ABLIM3: variants seen among roughly 807,000 people sequenced by gnomAD.
ABLIM3 encodes actin binding LIM protein family member 3.
A neutral mutation model predicts 109.5 loss-of-function variants in ABLIM3; 61 were observed. The observed-to-expected ratio is 0.56, with a 90% CI of 0.45 to 0.69. The LOEUF is 0.69. Ranked by LOEUF, ABLIM3 falls within the 30% of genes least tolerant of loss-of-function variation. ABLIM3 has a pLI of 0.00. For missense variants in ABLIM3, 796 were observed against 889.5 expected (o/e 0.89, Z 1.34); for synonymous variants, 300 against 324.8 (o/e 0.92, Z 0.82).
intron 8 of ABLIM3, 195 bp downstream of exon 8, chr5:149,217,241 C>T: frequency 3.3e-6 from 2 of 611,444 alleles, no homozygotes; most frequent in Non-Finnish European, 5.9e-6. Flanking sequence ...TATGAAGTGA[C>T]ATGTAATCTG....
intron 3 of ABLIM3, among the ~76,000 whole-genome samples, chr5:149,185,008 T>TTTTTACACCC: frequency 6.6e-6 from 1 of 152,320 alleles, no homozygotes; most frequent in Admixed American, 6.5e-5. Context: ...TGAGTGATTA[T>TTTTTACACCC]TTTTACACCC....
chr5:149,141,892 A>G (rs949388442), intron 1 of ABLIM3, 117 bp from the exon 2 acceptor site: 51 of 705,082 alleles, frequency 7.2e-5, no homozygotes, highest in Admixed American at 1.2e-4. Context: ...ACCTGCGCCT[A>G]TTAGTCCACG....
At chr5:149,151,644 C>CTCTTA (rs1444397364) in intron 2 of ABLIM3, among the ~76,000 whole-genome samples, 1 of 152,190 alleles carries the variant, frequency 6.6e-6, no homozygotes, top group East Asian at 1.9e-4. Context: ...AAGGGAAGTG[C>CTCTTA]TCTTACATAG....
intron 8 of ABLIM3, among the ~76,000 whole-genome samples, chr5:149,226,537 A>G (rs149904603): frequency 1.3e-5 from 2 of 152,248 alleles, no homozygotes; most frequent in Admixed American, 6.5e-5. Context: ...TGCCCTAGCT[A>G]GGGTCAAGGC....
At chr5:149,251,917 ATCTCAGAT>A (rs1753964673) in intron 21 of ABLIM3, among the ~76,000 whole-genome samples, 1 of 152,198 alleles carries the variant, frequency 6.6e-6, no homozygotes, top group South Asian at 2.1e-4. Context: ...TGCGTTTCAG[ATCTCAGAT>A]TCTTCTAATT....
At chr5:149,254,021 C>T (rs1267969538) in intron 23 of ABLIM3, among the ~76,000 whole-genome samples, 2 of 152,078 alleles carry the variant, frequency 1.3e-5, no homozygotes, top group East Asian at 3.9e-4. Flanking sequence ...CAGGGGAACG[C>T]CCTTTATAAA....
chr5:149,186,527 A>G (rs1756977018), intron 3 of ABLIM3, among the ~76,000 whole-genome samples: 1 of 152,214 alleles, frequency 6.6e-6, no homozygotes, highest in South Asian at 2.1e-4. Flanking sequence ...AAAAATTTAT[A>G]ACAATATATA....
intron 3 of ABLIM3, among the ~76,000 whole-genome samples, chr5:149,184,872 A>G (rs1197650070): frequency 3.9e-5 from 6 of 152,200 alleles, no homozygotes; most frequent in Admixed American, 3.9e-4. Context: ...AACAAATTAC[A>G]TATACATATT....
At chr5:149,193,977 A>G (rs1757730747) in intron 3 of ABLIM3, among the ~76,000 whole-genome samples, 1 of 152,212 alleles carries the variant, frequency 6.6e-6, no homozygotes, top group African/African-American at 2.4e-5. Context: ...TAAAATTTTT[A>G]GAAGACAATA....
rs1012388783 is a variant in ABLIM3, at chr5:149,252,704, G to C, written c.1858-53G>C. On this transcript the variant is annotated intron_variant, in intron 22 of 23. Transcript: ENST00000309868. The stretch of plus-strand genomic sequence containing the variant: ...CCCAGACACAAAATGTACCTGAAAG[G>C]AACAAGCCCACCACCCTCACCCAAG... 3.6e-6 allele frequency: 5 copies of C among 1,388,110 alleles called. No homozygotes were observed. In the South Asian group the frequency reaches 5.8e-5, roughly 16 times the overall value. 86.0% of individuals were successfully genotyped at this position (1,388,110 alleles called of 1,614,324 possible). A position where few individuals can be genotyped will look rare whatever the true frequency, so the allele number is the denominator to read the frequency against.
chr5:149,151,320 T>G (rs2127434083), intron 2 of ABLIM3, among the ~76,000 whole-genome samples: 1 of 152,354 alleles, frequency 6.6e-6, no homozygotes, highest in Middle Eastern at 3.4e-3. Context: ...CATTTTAACT[T>G]GTTTATCCCT....
rs1222697992 is a variant in ABLIM3 at position 149,158,627 on chromosome 5, A to G, written c.13+16519A>G. On this transcript the variant is annotated intron_variant, in intron 2 of 23. Coordinates refer to ENST00000309868, the MANE Select transcript of ABLIM3 (RefSeq NM_014945.5). ...ACAAGTCTAGTCAACCATCACTAGTACTGTTACAAGATCAATACCAATACA... is the reference window on the plus strand; with the variant it reads ...ACAAGTCTAGTCAACCATCACTAGTGCTGTTACAAGATCAATACCAATACA... Among the ~76,000 whole-genome samples the G allele has an allele frequency of 5.3e-5, 8 of 152,194 alleles. No individual in the cohort carries two copies. In the East Asian group the frequency reaches 1.5e-3, roughly 29 times the overall value.
intron 2 of ABLIM3, chr5:149,174,736 A>G (rs1298884291): frequency 6.6e-6 from 1 of 152,156 alleles, no homozygotes; most frequent in Non-Finnish European, 1.5e-5. Flanking sequence ...GAAAGAGAGG[A>G]GATGAGAAGA....
intron 2 of ABLIM3, among the ~76,000 whole-genome samples, chr5:149,161,169 C>T (rs754937571): frequency 3.9e-5 from 6 of 152,184 alleles, no homozygotes; most frequent in Non-Finnish European, 8.8e-5. Context: ...CTCATCTGCC[C>T]GCGGGAGCTC....
intron 2 of ABLIM3, among the ~76,000 whole-genome samples, chr5:149,143,829 C>A (rs1360325194): frequency 6.6e-6 from 1 of 151,794 alleles, no homozygotes; most frequent in Non-Finnish European, 1.5e-5. Context: ...TGTTTTCAGG[C>A]AAATAAAGAT....
chr5:149,239,327 T>G, intron 12 of ABLIM3, 50 bp downstream of exon 12: 1 of 1,593,476 alleles, frequency 6.3e-7, no homozygotes, highest in African/African-American at 1.3e-5. Flanking sequence ...TGCCCCTTTA[T>G]GTGGACTTCA....
At chr5:149,229,624 A>C (rs373876868) in intron 8 of ABLIM3, among the ~76,000 whole-genome samples, 1 of 152,380 alleles carries the variant, frequency 6.6e-6, no homozygotes, top group African/African-American at 2.4e-5. Context: ...TCCTAGAGAC[A>C]AAGTCAGACA....
chr5:149,206,505 T>TGACG (rs1758989373), intron 5 of ABLIM3, among the ~76,000 whole-genome samples: 1 of 152,222 alleles, frequency 6.6e-6, no homozygotes, highest in South Asian at 2.1e-4. Flanking sequence ...AACACAGCCC[T>TGACG]TGCCAATGTG....
rs761289040 is a variant in ABLIM3, at chr5:149,198,304, C to T, written c.237C>T (p.Gly79=). The T allele has an allele frequency of 6.2e-7, 1 of 1,614,232 alleles. No individual in the cohort carries two copies. The highest frequency in any genetic ancestry group is 8.5e-7 in the Non-Finnish European group (1 of 1,180,022). Reference sequence around the variant, plus strand: ...CCCAGGACTACCAGCAACTCTATGGCACCCGCTGTGACAGCTGCCGGGACT... The same window carrying T: ...CCCAGGACTACCAGCAACTCTATGGTACCCGCTGTGACAGCTGCCGGGACT... The part of the protein sequence containing the change: ...ICTQDYQQLY[G]TRCDSCRDFI... The change falls in exon 4 of 24, where the codon GGC becomes GGT. Residue 79 remains glycine (G), a synonymous_variant. Coordinates refer to ENST00000309868, the MANE Select transcript of ABLIM3 (RefSeq NM_014945.5). This position sits in a 1 kb window ranked among gnomAD's most constrained non-coding sequence, Gnocchi z 4.2.
Sources: gnomAD v4.1 joint callset for allele counts (sites outside exome capture counted in the v4.1 genomes callset) on GRCh38, gnomAD v4.1.1 for gene constraint, Gnocchi (gnomAD v3.1) non-coding constraint, MANE v1.5 for transcripts, NCBI Gene and HGNC (gene_info 2026-07-23, HGNC 2026-07-21) for gene names.